Variants in SPIRE1 observed in about 807,000 individuals in gnomAD.
The protein encoded by SPIRE1 is spire type actin nucleation factor 1, also known as protein spire homolog 1.
In SPIRE1, 40 loss-of-function variants were observed where a neutral mutation model predicts 94.1. The ratio of observed to expected loss-of-function variants is 0.43; its 90% CI spans 0.33 to 0.55. The LOEUF is 0.55. Among genes scored for constraint, SPIRE1 ranks in the 20% least tolerant of loss-of-function variants. The pLI is 0.06. For synonymous variants in SPIRE1, 376 were observed against 371.7 expected, an observed-to-expected ratio of 1.01 and a Z score of -0.13; for missense variants, 838 against 975.2, an observed-to-expected ratio of 0.86 and a Z score of 1.87.
At chr18:12,507,784 G>T (rs2033887347) in intron 5 of SPIRE1, among the ~76,000 whole-genome samples, 1 of 151,898 alleles carries the variant, frequency 6.6e-6, no homozygotes, top group Non-Finnish European at 1.5e-5. Context: ...TGCCTATAAT[G>T]TGTCAAAGTC....
At chr18:12,635,630 G>C (rs2037901452) in intron 1 of SPIRE1, among the ~76,000 whole-genome samples, 1 of 151,994 alleles carries the variant, frequency 6.6e-6, no homozygotes, top group South Asian at 2.1e-4. Flanking sequence ...TTTTCCAACA[G>C]AGGCTCACTT....
At chr18:12,498,861 G>A (rs1024398719) in intron 6 of SPIRE1, among the ~76,000 whole-genome samples, 2 of 152,126 alleles carry the variant, frequency 1.3e-5, no homozygotes. Context: ...AGACTCAAGC[G>A]ATCCTAGCAC....
chr18:12,505,339 A>G (rs2033792030), intron 6 of SPIRE1, among the ~76,000 whole-genome samples: 1 of 152,084 alleles, frequency 6.6e-6, no homozygotes, highest in African/African-American at 2.4e-5. Flanking sequence ...GAGCTCTGTT[A>G]GGAATTAAAG....
chr18:12,547,857 G>A (rs1021162892), intron 2 of SPIRE1, among the ~76,000 whole-genome samples: 9 of 152,164 alleles, frequency 5.9e-5, no homozygotes, highest in East Asian at 1.9e-4. Context: ...CAGGAGAATC[G>A]CTTGAACTGG....
intron 4 of SPIRE1, among the ~76,000 whole-genome samples, chr18:12,521,892 G>C (rs962341515): frequency 6.6e-6 from 1 of 152,006 alleles, no homozygotes; most frequent in Non-Finnish European, 1.5e-5. Context: ...TGATAAATGC[G>C]TGTGTTCTGA....
chr18:12,610,228 G>A (rs956926626), intron 2 of SPIRE1, among the ~76,000 whole-genome samples: 1 of 152,094 alleles, frequency 6.6e-6, no homozygotes, highest in Admixed American at 6.6e-5. Flanking sequence ...TTTAACATAT[G>A]TATGCCTGAC....
At chr18:12,651,819 G>A (rs956120064) in intron 1 of SPIRE1, among the ~76,000 whole-genome samples, 6 of 152,028 alleles carry the variant, frequency 3.9e-5, no homozygotes, top group Non-Finnish European at 7.4e-5. Context: ...TTGACTGATC[G>A]TATCCTCTTT....
intron 3 of SPIRE1, among the ~76,000 whole-genome samples, chr18:12,538,889 C>T (rs77143241): frequency 6.6e-6 from 1 of 152,138 alleles, no homozygotes; most frequent in African/African-American, 2.4e-5. Context: ...TTTCTACCTT[C>T]AAAATATACC....
intron 2 of SPIRE1, among the ~76,000 whole-genome samples, chr18:12,617,429 G>A (rs899928011): frequency 6.6e-6 from 1 of 150,838 alleles, no homozygotes; most frequent in Non-Finnish European, 1.5e-5. Context: ...TGTTTGTTTT[G>A]GAGACAGAGT....
At chr18:12,592,543 A>C (rs2036563552) in intron 2 of SPIRE1, among the ~76,000 whole-genome samples, 1 of 152,192 alleles carries the variant, frequency 6.6e-6, no homozygotes, top group African/African-American at 2.4e-5. Context: ...TTGAATTCAC[A>C]CAGCTCACCC....
chr18:12,479,216 CCA>C (rs1236944915), intron 10 of SPIRE1, among the ~76,000 whole-genome samples: 8 of 148,690 alleles, frequency 5.4e-5, no homozygotes, highest in African/African-American at 2.0e-4. Context: ...ACTCTGTTGC[CCA>C]GGCTGGAATG....
intron 6 of SPIRE1, among the ~76,000 whole-genome samples, chr18:12,501,072 CAAAAA>C (rs67894900): frequency 1.2e-5 from 1 of 80,224 alleles, no homozygotes; most frequent in Non-Finnish European, 2.3e-5. Flanking sequence ...AACTCTGTCT[CAAAAA>C]AAAAAAAAAA....
chr18:12,593,889 T>A (rs561163544), intron 2 of SPIRE1, among the ~76,000 whole-genome samples: 1 of 151,948 alleles, frequency 6.6e-6, no homozygotes, highest in Admixed American at 6.5e-5. Context: ...GAGGCGGAGC[T>A]TGCGGTTGAG....
chr18:12,658,924 C>G (rs1369566202), upstream of SPIRE1: 2 of 252,816 alleles, frequency 7.9e-6, no homozygotes, highest in African/African-American at 4.6e-5. Flanking sequence ...GGTCCCTTCC[C>G]TCACTAAGGT....
intron 2 of SPIRE1, among the ~76,000 whole-genome samples, chr18:12,613,611 CG>C (rs2037204213): frequency 6.6e-6 from 1 of 152,162 alleles, no homozygotes. Context: ...TAATAATTTT[CG>C]TATCTGGCCG....
chr18:12,565,699 G>C (rs1270345981), intron 2 of SPIRE1, among the ~76,000 whole-genome samples: 1 of 149,454 alleles, frequency 6.7e-6, no homozygotes, highest in Non-Finnish European at 1.5e-5. Context: ...AATAAAAATG[G>C]AAGAAATTTG....
chr18:12,549,359 C>T (rs1261562423), intron 2 of SPIRE1, among the ~76,000 whole-genome samples: 1 of 150,990 alleles, frequency 6.6e-6, no homozygotes, highest in Non-Finnish European at 1.5e-5. Flanking sequence ...CTGAGTTTTA[C>T]ATGATTGGAT....
chr18:12,465,233 G>A (rs1238061863), intron 10 of SPIRE1, among the ~76,000 whole-genome samples: 1 of 152,112 alleles, frequency 6.6e-6, no homozygotes, highest in Non-Finnish European at 1.5e-5. Flanking sequence ...TAGCAGTGCA[G>A]TGGTGTGATC....
chr18:12,565,881 A>G (rs1181353646), intron 2 of SPIRE1, among the ~76,000 whole-genome samples: 1 of 151,282 alleles, frequency 6.6e-6, no homozygotes, highest in Non-Finnish European at 1.5e-5. Context: ...TATAAATACA[A>G]AAGTTGGCTG....
Sources: gnomAD v4.1 joint callset for allele counts (sites outside exome capture counted in the v4.1 genomes callset) on GRCh38, gnomAD v4.1.1 for gene constraint, MANE v1.5 for transcripts, NCBI Gene and HGNC (gene_info 2026-07-23, HGNC 2026-07-21) for gene names.